The following MCFD2 variants were observed in gnomAD, a reference collection of about 807,000 sequenced individuals.
MCFD2 encodes multiple coagulation factor deficiency 2, ER cargo receptor complex subunit.
In MCFD2, 11 loss-of-function variants were observed where a neutral mutation model predicts 12.8. The ratio of observed to expected loss-of-function variants is 0.86; its 90% CI spans 0.54 to 1.42. The LOEUF is 1.42. Among genes scored for constraint, MCFD2 ranks in the 40% most tolerant of loss-of-function variants. The pLI is 0.00. For missense variants in MCFD2, 191 were observed against 178.6 expected (o/e 1.07, Z -0.40); for synonymous variants, 70 against 68.1 (o/e 1.03, Z -0.14).
chr2:46,915,806 G>GGGGGGGGGGGGGGGGGCC, upstream of MCFD2: 12 of 512,580 alleles, frequency 2.3e-5, no homozygotes, highest in Non-Finnish European at 2.6e-5. Flanking sequence ...CCTCGGCTTC[G>GGGGGGGGGGGGGGGGGCC]CCCCGCCCCC....
chr2:46,927,329 ATAT>A (rs1403191915), intron 1 of MCFD2, among the ~76,000 whole-genome samples: 1 of 151,934 alleles, frequency 6.6e-6, no homozygotes, highest in East Asian at 1.9e-4. Context: ...AAGAAAAATA[ATAT>A]TAAAGATAGA....
rs1572611210 is a variant in MCFD2 at position 46,908,860 on chromosome 2, A to T, written c.149+163T>A. On this transcript the variant is annotated intron_variant, in intron 2 of 3. Coordinates refer to ENST00000319466, the MANE Select transcript of MCFD2 (RefSeq NM_139279.6). The surrounding 1 kb of genome is among the most constrained non-coding windows in gnomAD (Gnocchi z 4.5). ...TGTGATACAATGATGAAAAAAGAAT[A>T]CCTGACTTATAGGTGGCAATAAGGA... is the stretch of plus-strand genomic sequence containing the variant. The T allele has an allele frequency of 1.1e-6, 1 of 897,038 alleles. No homozygotes were observed. The highest frequency in any genetic ancestry group is 1.7e-5 in the African/African-American group (1 of 60,462). 55.6% of individuals were successfully genotyped at this position (897,038 alleles called of 1,614,324 possible).
At chr2:46,922,517 T>A (rs1484661895) in intron 1 of MCFD2, among the ~76,000 whole-genome samples, 5 of 150,852 alleles carry the variant, frequency 3.3e-5, no homozygotes, top group Non-Finnish European at 7.4e-5. Flanking sequence ...AGAGTGTAAT[T>A]ATAAATGCTC....
At chr2:46,915,882 C>A (rs935233482), upstream of MCFD2, 4 of 984,580 alleles carry the variant, frequency 4.1e-6, no homozygotes, top group African/African-American at 3.5e-5. Context: ...GCCGCCGGGC[C>A]CCTCCCGCTG....
At chr2:46,915,279 G>A (rs1208232815) in intron 1 of MCFD2, among the ~76,000 whole-genome samples, 2 of 152,354 alleles carry the variant, frequency 1.3e-5, no homozygotes, top group East Asian at 1.9e-4. Context: ...GGGCACCCGG[G>A]TGGATGGCCA....
chr2:46,919,272 C>G (rs201953698), upstream of MCFD2, among the ~76,000 whole-genome samples: 1 of 152,186 alleles, frequency 6.6e-6, no homozygotes, highest in African/African-American at 2.4e-5. Context: ...TGGTGGCTCA[C>G]GCCTGTAATC....
In MCFD2 at chr2:46,934,787, C is replaced by CTTT. The variant is rs1161003607; in HGVS notation, c.-8+6782_-8+6784dup. ...GGAATAAGGTATGAAGACTACTGCT[C>CTTT]TTTTTTTTTTTTTTTTTTTTTTTTT... On this transcript the variant is annotated intron_variant, in intron 1 of 2. Transcript: ENST00000409147. Among the ~76,000 whole-genome samples, 161 of 66,906 alleles carry CTTT rather than the reference C, an allele frequency of 2.4e-3. 17 individuals are homozygous for CTTT. The highest frequency in any genetic ancestry group is 6.6e-3 in the East Asian group (14 of 2,112). 43.9% of individuals were successfully genotyped at this position (66,906 alleles called of 152,430 possible).
intron 1 of MCFD2, among the ~76,000 whole-genome samples, chr2:46,933,469 C>T (rs535162189): frequency 9.2e-5 from 14 of 152,340 alleles, no homozygotes; most frequent in Non-Finnish European, 1.5e-4. Flanking sequence ...CATCTCTTAG[C>T]GTAATGATTA....
intron 1 of MCFD2, among the ~76,000 whole-genome samples, chr2:46,922,141 A>G (rs1459401948): frequency 5.9e-5 from 9 of 152,240 alleles, no homozygotes; most frequent in Non-Finnish European, 2.9e-5. Flanking sequence ...GGCTAGGGTC[A>G]TCAAACAACA....
At chr2:46,928,482 A>C (rs891741810) in intron 1 of MCFD2, among the ~76,000 whole-genome samples, 1 of 146,602 alleles carries the variant, frequency 6.8e-6, no homozygotes, top group South Asian at 2.2e-4. Context: ...AAAAAAAAAA[A>C]AAACTTGGGC....
chr2:46,915,783 C>G lies in MCFD2; in HGVS notation c.-67G>C, dbSNP rs1293654295. 2.6e-5 allele frequency: 25 copies of G among 975,334 alleles called. No individual in the cohort carries two copies. The highest frequency in any genetic ancestry group is 3.0e-5 in the Non-Finnish European group (25 of 824,052). The allele number at this position is 975,334 out of a possible 1,614,324, so 60.4% of individuals were successfully genotyped here. ...ACGTGAGCCTCACCAGCCCCCGTCC[C>G]CAAAACGCTCTTCCTCGGCTTCGCC... On this transcript the variant is annotated 5_prime_UTR_variant, in exon 1 of 4. Transcript: ENST00000319466.
intron 1 of MCFD2, among the ~76,000 whole-genome samples, chr2:46,926,138 C>T (rs1669371582): frequency 6.6e-6 from 1 of 152,214 alleles, no homozygotes; most frequent in African/African-American, 2.4e-5. Context: ...TCTTAGCATT[C>T]CCTCCACAGA....
chr2:46,914,563 C>T, intron 1 of MCFD2, among the ~76,000 whole-genome samples: 1 of 152,062 alleles, frequency 6.6e-6, no homozygotes, highest in Admixed American at 6.6e-5. Context: ...TCTAGGGAGC[C>T]CAAGGAGCAC....
chr2:46,920,663 A>G (rs1355553127), upstream of MCFD2, among the ~76,000 whole-genome samples: 1 of 149,898 alleles, frequency 6.7e-6, no homozygotes, highest in African/African-American at 2.5e-5. Context: ...AAAAAAAAAA[A>G]TAGATAAATT....
Position 46,941,600 on chromosome 2 carries a change from GC to G in MCFD2, c.-37del, listed in dbSNP as rs1326014445. ...AAGGTGGAGAGCGAGCTGGAGCGCTGCCGCGCCGAGGGCCACTGGGACCGCA... is the reference window on the plus strand; with the variant it reads ...AAGGTGGAGAGCGAGCTGGAGCGCTGCGCGCCGAGGGCCACTGGGACCGCA... On this transcript the variant is annotated 5_prime_UTR_variant, in exon 1 of 3. Coordinates refer to the MCFD2 transcript ENST00000409147. The surrounding 1 kb of genome is among the most constrained non-coding windows in gnomAD (Gnocchi z 4.2). 6.4e-7 allele frequency: 1 copy of G among 1,556,812 alleles called. No individual in the cohort carries two copies. Among genetic ancestry groups the G allele is most frequent in the African/African-American group, 1.4e-5 (1 of 73,416 alleles).
Position 46,905,747 on chromosome 2 carries a change from A to G in MCFD2, c.310-153T>C, listed in dbSNP as rs554805315. ...ACAAAACAACAAAATATCCACGCTCATATGTGTCCAAAAACTTTCAATGGA... is the reference window on the plus strand; with the variant it reads ...ACAAAACAACAAAATATCCACGCTCGTATGTGTCCAAAAACTTTCAATGGA... On this transcript the variant is annotated intron_variant, in intron 3 of 3. Coordinates refer to ENST00000319466, the MANE Select transcript of MCFD2 (RefSeq NM_139279.6). 383 of 782,470 alleles carry G rather than the reference A, an allele frequency of 4.9e-4. 3 individuals are homozygous for G. In the South Asian group the frequency reaches 5.6e-3, roughly 12 times the overall value. 48.5% of individuals were successfully genotyped at this position (782,470 alleles called of 1,614,324 possible).
At position 46,908,034 on chromosome 2, in the gene MCFD2, A is replaced by G; in HGVS notation, c.150-65T>C. 6.3e-7 allele frequency: 1 copy of G among 1,587,818 alleles called. No homozygotes were observed. The highest frequency in any genetic ancestry group is 8.6e-7 in the Non-Finnish European group (1 of 1,161,532). ...CTGGGATCATGCTGAAATCTTAAGGACTCTGAAAAGTTCAAGATCTTAAAC... is the reference window on the plus strand; with the variant it reads ...CTGGGATCATGCTGAAATCTTAAGGGCTCTGAAAAGTTCAAGATCTTAAAC... On this transcript the variant is annotated intron_variant, in intron 2 of 3. Transcript: ENST00000319466. The surrounding 1 kb of genome is among the most constrained non-coding windows in gnomAD (Gnocchi z 4.5).
intron 1 of MCFD2, among the ~76,000 whole-genome samples, chr2:46,911,064 A>T (rs72886646): frequency 0.081 from 12,394 of 152,120 alleles, 936 homozygotes; most frequent in African/African-American, 0.2. Context: ...GCTAAAAAGC[A>T]CCTAGAATCT....
chr2:46,916,004 G>C (rs1460002163), upstream of MCFD2: 5 of 985,410 alleles, frequency 5.1e-6, no homozygotes, highest in Middle Eastern at 5.2e-4. Flanking sequence ...GGCGACACTC[G>C]GCTCCACTCC....
Sources: gnomAD v4.1 joint callset for allele counts (sites outside exome capture counted in the v4.1 genomes callset) on GRCh38, gnomAD v4.1.1 for gene constraint, Gnocchi (gnomAD v3.1) non-coding constraint, MANE v1.5 for transcripts, NCBI Gene and HGNC (gene_info 2026-07-23, HGNC 2026-07-21) for gene names.